The following CADPS2 variants were observed in gnomAD, a reference collection of about 807,000 sequenced individuals.
CADPS2 encodes calcium dependent secretion activator 2.
Under a neutral mutation model 172.5 loss-of-function variants are expected in CADPS2, and 93 were observed. The ratio of observed to expected loss-of-function variants is 0.54; its 90% CI spans 0.46 to 0.64. The LOEUF is 0.64. Ranked by LOEUF, CADPS2 falls within the 30% of genes least tolerant of loss-of-function variation. CADPS2 has a pLI of 0.00. For missense variants in CADPS2, 1,420 were observed against 1,565.9 expected, an observed-to-expected ratio of 0.91 and a Z score of 1.57; for synonymous variants, 546 against 555.2, an observed-to-expected ratio of 0.98 and a Z score of 0.23.
intron 7 of CADPS2, among the ~76,000 whole-genome samples, chr7:122,576,390 C>T (rs973523725): frequency 4.6e-5 from 7 of 152,290 alleles, no homozygotes; most frequent in Non-Finnish European, 7.4e-5. Flanking sequence ...TTTCTTTTCT[C>T]ATCACCCCTT....
chr7:122,777,774 C>T (rs2093930353), intron 1 of CADPS2, among the ~76,000 whole-genome samples: 1 of 152,088 alleles, frequency 6.6e-6, no homozygotes, highest in Non-Finnish European at 1.5e-5. Flanking sequence ...TTGTAAGTTT[C>T]CTGAGGCCTC....
chr7:122,752,347 A>T (rs1027521763), intron 1 of CADPS2, among the ~76,000 whole-genome samples: 12 of 152,200 alleles, frequency 7.9e-5, no homozygotes, highest in African/African-American at 2.9e-4. Context: ...AAACATTCTC[A>T]TACTTTCTGG....
intron 2 of CADPS2, among the ~76,000 whole-genome samples, chr7:122,700,160 T>C (rs2085800218): frequency 6.6e-6 from 1 of 152,160 alleles, no homozygotes. Flanking sequence ...AGTGGGTTTT[T>C]TCCCACCAGC....
At chr7:122,672,403 C>G (rs1303867350) in intron 2 of CADPS2, among the ~76,000 whole-genome samples, 2 of 152,156 alleles carry the variant, frequency 1.3e-5, no homozygotes, top group East Asian at 3.9e-4. Flanking sequence ...GGTGTCGAAG[C>G]TGTCATGGGA....
chr7:122,779,924 A>G (rs1047465082), intron 1 of CADPS2, among the ~76,000 whole-genome samples: 1 of 152,186 alleles, frequency 6.6e-6, no homozygotes, highest in Non-Finnish European at 1.5e-5. Context: ...ATCAAAGACC[A>G]GTCAGCTCTG....
At chr7:122,476,765 A>T (rs1434399754) in intron 12 of CADPS2, among the ~76,000 whole-genome samples, 1 of 152,160 alleles carries the variant, frequency 6.6e-6, no homozygotes, top group African/African-American at 2.4e-5. Flanking sequence ...TGAAAGTGAA[A>T]TGTGTTCTTA....
At chr7:122,645,354 T>C (rs2078251128) in intron 3 of CADPS2, among the ~76,000 whole-genome samples, 1 of 111,854 alleles carries the variant, frequency 8.9e-6, no homozygotes, top group African/African-American at 3.0e-5. Context: ...CATGTGTGTG[T>C]ATACATGTAC....
At chr7:122,881,186 T>C (rs1318853057) in intron 1 of CADPS2, among the ~76,000 whole-genome samples, 1 of 152,166 alleles carries the variant, frequency 6.6e-6, no homozygotes, top group Non-Finnish European at 1.5e-5. Flanking sequence ...AAGAGAGCTG[T>C]TTCCATTAAA....
intron 2 of CADPS2, chr7:122,701,735 C>A: frequency 1.3e-6 from 1 of 788,300 alleles, no homozygotes; most frequent in Non-Finnish European, 2.0e-6. Flanking sequence ...GGTAGAGAAG[C>A]TGAAATTTTC....
At chr7:122,600,703 T>C (rs193155170) in intron 6 of CADPS2, among the ~76,000 whole-genome samples, 1 of 152,104 alleles carries the variant, frequency 6.6e-6, no homozygotes, top group Non-Finnish European at 1.5e-5. Context: ...ATGAGTTTGT[T>C]CAGAGCTGAA....
At chr7:122,435,597 T>TG (rs1218616515) in intron 17 of CADPS2, among the ~76,000 whole-genome samples, 7 of 152,140 alleles carry the variant, frequency 4.6e-5, no homozygotes, top group African/African-American at 1.7e-4. Context: ...GCAGCCACTA[T>TG]GAAAAATAGT....
At chr7:122,384,517 G>A (rs1485615368) in intron 24 of CADPS2, among the ~76,000 whole-genome samples, 3 of 152,002 alleles carry the variant, frequency 2.0e-5, no homozygotes, top group Non-Finnish European at 1.5e-5. Context: ...CAACAATTCC[G>A]AAACTTATCT....
At position 122,468,449 on chromosome 7, in the gene CADPS2, C is replaced by T. The variant is rs146436265; in HGVS notation, c.2186+2926G>A. ...AACAAAGAAATTAGGAATATAATTA[C>T]ATACACATTGAAATATTTCTATTTA... is the stretch of plus-strand genomic sequence containing the variant. On this transcript the variant is annotated intron_variant, in intron 14 of 29. Transcript: ENST00000449022. Among the ~76,000 whole-genome samples, 669 of 152,280 alleles carry T rather than the reference C, an allele frequency of 4.4e-3. 2 individuals carry two copies. The highest frequency in any genetic ancestry group is 0.015 in the African/African-American group (614 of 41,566).
chr7:122,596,210 C>A (rs73433802), intron 6 of CADPS2, among the ~76,000 whole-genome samples: 6,456 of 152,152 alleles, frequency 0.042, 144 homozygotes, highest in South Asian at 0.1. Flanking sequence ...ATGCTATACA[C>A]ACAGGCTTTT....
intron 8 of CADPS2, among the ~76,000 whole-genome samples, chr7:122,517,996 T>C (rs2060502810): frequency 6.6e-6 from 1 of 152,014 alleles, no homozygotes; most frequent in Non-Finnish European, 1.5e-5. Flanking sequence ...TTCAGTGTTG[T>C]TATGATTTTT....
chr7:122,326,855 AC>A (rs1304583035), intron 28 of CADPS2, among the ~76,000 whole-genome samples: 3 of 152,202 alleles, frequency 2.0e-5, no homozygotes, highest in Admixed American at 6.5e-5. Context: ...TTTACATTTT[AC>A]CATGCTTATT....
At chr7:122,795,152 A>C (rs1796099537) in intron 1 of CADPS2, among the ~76,000 whole-genome samples, 1 of 152,136 alleles carries the variant, frequency 6.6e-6, no homozygotes, top group Non-Finnish European at 1.5e-5. Flanking sequence ...AGACATAAAA[A>C]AAAAAATTCA....
At chr7:122,547,165 C>T (rs2063713265) in intron 8 of CADPS2, among the ~76,000 whole-genome samples, 1 of 151,610 alleles carries the variant, frequency 6.6e-6, no homozygotes, top group Admixed American at 6.6e-5. Flanking sequence ...GTATACTCTA[C>T]CCACAAGAAA....
intron 10 of CADPS2, 40 bp from the exon 11 acceptor site, chr7:122,490,321 G>T: frequency 6.3e-7 from 1 of 1,578,678 alleles, no homozygotes; most frequent in Non-Finnish European, 8.7e-7. Flanking sequence ...AAATTTATAG[G>T]ATTGGCAGAT....
Sources: gnomAD v4.1 joint callset for allele counts (sites outside exome capture counted in the v4.1 genomes callset) on GRCh38, gnomAD v4.1.1 for gene constraint, MANE v1.5 for transcripts, NCBI Gene and HGNC (gene_info 2026-07-23, HGNC 2026-07-21) for gene names.